USP42: variants seen among roughly 807,000 people sequenced by gnomAD.
The protein encoded by USP42 is ubiquitin specific peptidase 42.
In USP42, 23 loss-of-function variants were observed where a neutral mutation model predicts 113.0. The ratio of observed to expected loss-of-function variants is 0.20; its 90% CI spans 0.15 to 0.29. The LOEUF (loss-of-function observed/expected upper bound fraction) is 0.29, where lower values mean the gene tolerates loss of function less well. Among genes scored for constraint, USP42 ranks in the 10% least tolerant of loss-of-function variants. The probability of loss-of-function intolerance (pLI) is 1.00; values close to 1 mark genes in which losing one functional copy is unlikely to be tolerated. For missense variants in USP42, 2,174 were observed against 1,779.8 expected (o/e 1.22, Z -3.99); for synonymous variants, 933 against 699.0 (o/e 1.33, Z -5.28).
At position 6,154,942 on chromosome 7, in the gene USP42, G is replaced by T; in HGVS notation, c.3388G>T (p.Asp1130Tyr). ...GCCCCACGCCCTCGCCCCGCACCCC[G>T]ACCGCTTCTCCCACGACAGAACTGC... ...GAPHALAPHPDRFSHDRTALV... is the reference protein window; with the variant it reads ...GAPHALAPHPYRFSHDRTALV... The change falls in exon 15 of 18, where the codon GAC becomes TAC. Residue 1130 changes from aspartate (D) to tyrosine (Y), a missense_variant. Asp to Tyr is a radical substitution (Grantham distance 160). Transcript: ENST00000306177. The T allele has an allele frequency of 3.2e-6, 5 of 1,553,150 alleles. No homozygotes were observed. Among genetic ancestry groups the T allele is most frequent in the Non-Finnish European group, 3.5e-6 (4 of 1,147,964 alleles).
At chr7:6,127,924 T>G (rs1209811582) in intron 3 of USP42, among the ~76,000 whole-genome samples, 16 of 152,158 alleles carry the variant, frequency 1.1e-4, no homozygotes, top group Admixed American at 1.0e-3. Flanking sequence ...TTTGTTGTTG[T>G]TGGTTTCTTT....
rs1401721602 is a variant in USP42 at position 6,125,045 on chromosome 7, G to A, written c.442+9522G>A. On this transcript the variant is annotated intron_variant, in intron 3 of 17. Transcript: ENST00000306177. ...AAAATACAAAAATTAGCCGGGTGTG[G>A]TGGCTCATGCTTGTAATTCCAGTTA... Among the ~76,000 whole-genome samples, 4 of 152,044 alleles carry A rather than the reference G, an allele frequency of 2.6e-5. No individual in the cohort carries two copies. The East Asian group carries it at 5.8e-4, about 22-fold the overall frequency.
chr7:6,116,530 G>T, intron 3 of USP42: 1 of 304,164 alleles, frequency 3.3e-6, no homozygotes, highest in Non-Finnish European at 6.2e-6. Flanking sequence ...TATGTTCTGG[G>T]GCTATTAGTT....
chr7:6,088,275 G>A, the USP42 span, among the ~76,000 whole-genome samples: 4 of 149,518 alleles, frequency 2.7e-5, no homozygotes, highest in East Asian at 1.9e-4. Context: ...TTCTTTTTGC[G>A]ACGGAGTCTT....
intron 4 of USP42, among the ~76,000 whole-genome samples, chr7:6,138,792 A>G (rs551737498): frequency 3.3e-5 from 5 of 152,312 alleles, no homozygotes; most frequent in South Asian, 4.1e-4. Flanking sequence ...GCTCCTTAGG[A>G]GAATCTCATG....
At chr7:6,134,384 C>T (rs965219782) in intron 3 of USP42, among the ~76,000 whole-genome samples, 3 of 152,084 alleles carry the variant, frequency 2.0e-5, no homozygotes, top group Admixed American at 6.6e-5. Flanking sequence ...TGATTGGATG[C>T]CAGACAGAAT....
chr7:6,135,965 A>G lies in USP42; in HGVS notation c.553+14A>G, dbSNP rs778281173. On this transcript the variant is annotated intron_variant, in intron 4 of 17. Transcript: ENST00000306177. ...ATGAGATGCGGCGTAAGTATTAACT[A>G]TTGTAGTTTTATATTTGTATTTATT... The G allele has an allele frequency of 5.3e-6, 7 of 1,311,948 alleles. No individual in the cohort carries two copies. The highest frequency in any genetic ancestry group is 7.3e-6 in the Non-Finnish European group (7 of 956,694). The allele number at this position is 1,311,948 out of a possible 1,614,324, so 81.3% of individuals were successfully genotyped here.
chr7:6,115,193 C>G (rs1779850809), intron 2 of USP42, 130 bp from the exon 3 acceptor site: 3 of 836,656 alleles, frequency 3.6e-6, no homozygotes, highest in Non-Finnish European at 1.9e-6. Flanking sequence ...CCCTCTTCCC[C>G]CTGTATTTCA....
chr7:6,120,047 C>T (rs552313779), intron 3 of USP42, among the ~76,000 whole-genome samples: 1 of 152,184 alleles, frequency 6.6e-6, no homozygotes, highest in Non-Finnish European at 1.5e-5. Context: ...CTCACTGCAA[C>T]CTACGCCCCC....
chr7:6,154,692 G>T lies in USP42; in HGVS notation c.3138G>T (p.Arg1046=). The T allele has an allele frequency of 1.2e-6, 2 of 1,603,572 alleles. No individual in the cohort carries two copies. The highest frequency in any genetic ancestry group is 8.5e-7 in the Non-Finnish European group (1 of 1,176,038). ...CCGAGGGCGAGCGTGGCTGGGGCCGGGAGAAGTTCTACCCCGACAGGCCGC... is the reference window on the plus strand; with the variant it reads ...CCGAGGGCGAGCGTGGCTGGGGCCGTGAGAAGTTCTACCCCGACAGGCCGC... ...HYTEGERGWG[R]EKFYPDRPRW... The change falls in exon 15 of 18, where the codon CGG becomes CGT. Residue 1046 remains arginine (R), a synonymous_variant. Transcript: ENST00000306177.
chr7:6,122,111 T>A (rs79155062), intron 3 of USP42, among the ~76,000 whole-genome samples: 3,464 of 152,240 alleles, frequency 0.023, 122 homozygotes, highest in African/African-American at 0.08. Context: ...TTCCATTTCT[T>A]CTGCTTACTT....
chr7:6,160,193 G>A (rs1283708335), intron 17 of USP42, among the ~76,000 whole-genome samples: 1 of 152,236 alleles, frequency 6.6e-6, no homozygotes, highest in African/African-American at 2.4e-5. Flanking sequence ...AAAATGAATT[G>A]CCAAGTGAAG....
chr7:6,153,843 A>G lies in USP42; in HGVS notation c.2289A>G (p.Pro763=). The G allele has an allele frequency of 6.5e-7, 1 of 1,546,168 alleles. No homozygotes were observed. Among genetic ancestry groups the G allele is most frequent in the Admixed American group, 2.0e-5 (1 of 50,702 alleles). Reference sequence around the variant, plus strand: ...CCGCCGCCGAATCCCTGGAGGAGCCAGATGCGGCCGCCGGCCTCAGCAGCA... The same window carrying G: ...CCGCCGCCGAATCCCTGGAGGAGCCGGATGCGGCCGCCGGCCTCAGCAGCA... ...GSPAAESLEE[P]DAAAGLSSTK... The change falls in exon 15 of 18, where the codon CCA becomes CCG. Residue 763 remains proline (P), a synonymous_variant. Transcript: ENST00000306177.
chr7:6,140,262 CAGGGT>C, intron 6 of USP42, 67 bp downstream of exon 6: 1 of 1,416,384 alleles, frequency 7.1e-7, no homozygotes. Context: ...AATAGTAGGA[CAGGGT>C]TAGTCCTACT....
chr7:6,091,961 TC>T, the USP42 span, among the ~76,000 whole-genome samples: 17 of 147,880 alleles, frequency 1.1e-4, no homozygotes, highest in African/African-American at 3.8e-4. Context: ...TCCTACTTAG[TC>T]CTCAAGGACG....
At chr7:6,085,553 A>G in the USP42 span, among the ~76,000 whole-genome samples, 1 of 149,550 alleles carries the variant, frequency 6.7e-6, no homozygotes, top group Non-Finnish European at 1.5e-5. Flanking sequence ...GACCTGCTGT[A>G]TAATAGTGTC....
At chr7:6,124,868 AG>A (rs1380862779) in intron 3 of USP42, among the ~76,000 whole-genome samples, 1 of 151,946 alleles carries the variant, frequency 6.6e-6, no homozygotes, top group Non-Finnish European at 1.5e-5. Context: ...TTAACGTATC[AG>A]TTTACCTTCA....
chr7:6,127,698 T>A (rs1780614105), intron 3 of USP42, among the ~76,000 whole-genome samples: 1 of 152,244 alleles, frequency 6.6e-6, no homozygotes, highest in African/African-American at 2.4e-5. Flanking sequence ...TGTCATCGGT[T>A]AGAATGATTC....
intron 3 of USP42, among the ~76,000 whole-genome samples, chr7:6,129,168 G>A (rs1780703696): frequency 6.6e-6 from 1 of 152,094 alleles, no homozygotes; most frequent in Non-Finnish European, 1.5e-5. Context: ...TTTTACCACG[G>A]TTTACTGGTA....
Sources: gnomAD v4.1 joint callset for allele counts (sites outside exome capture counted in the v4.1 genomes callset) on GRCh38, gnomAD v4.1.1 for gene constraint, MANE v1.5 for transcripts, NCBI Gene and HGNC (gene_info 2026-07-23, HGNC 2026-07-21) for gene names.